AKAP19: variants seen among roughly 807,000 people sequenced by gnomAD.
AKAP19 encodes A-kinase anchoring protein 19, also known as small A-kinase anchoring protein.
At chr2:189,932,600 G>T in the AKAP19 span, among the ~76,000 whole-genome samples, 1 of 151,546 alleles carries the variant, frequency 6.6e-6, no homozygotes, top group Admixed American at 6.6e-5. Context: ...AGCCACTCAG[G>T]AGGCTGAGGC....
At chr2:190,003,725 G>A in the AKAP19 span, among the ~76,000 whole-genome samples, 1 of 152,012 alleles carries the variant, frequency 6.6e-6, no homozygotes, top group African/African-American at 2.4e-5. Flanking sequence ...TTAGCTGGGT[G>A]TGGTGGTACG....
chr2:189,959,057 A>G, the AKAP19 span, among the ~76,000 whole-genome samples: 1 of 152,100 alleles, frequency 6.6e-6, no homozygotes, highest in Non-Finnish European at 1.5e-5. Context: ...ACAGGACTTC[A>G]ATTGTGATGT....
At chr2:190,055,102 G>C in the AKAP19 span, among the ~76,000 whole-genome samples, 1 of 152,050 alleles carries the variant, frequency 6.6e-6, no homozygotes, top group Non-Finnish European at 1.5e-5. Flanking sequence ...TGATAGACTG[G>C]ATTAAGAAAA....
chr2:189,920,591 G>T, the AKAP19 span, among the ~76,000 whole-genome samples: 3 of 152,292 alleles, frequency 2.0e-5, no homozygotes, highest in South Asian at 4.1e-4. Flanking sequence ...CCTGCCCCAA[G>T]GCCTGAGGGT....
the AKAP19 span, among the ~76,000 whole-genome samples, chr2:190,032,556 CTT>C: frequency 1.3e-5 from 2 of 152,282 alleles, 1 homozygote; most frequent in South Asian, 4.2e-4. Flanking sequence ...GGCCTGAACT[CTT>C]TTCACCCCTA....
At chr2:190,031,299 C>A in the AKAP19 span, among the ~76,000 whole-genome samples, 2 of 152,118 alleles carry the variant, frequency 1.3e-5, no homozygotes, top group African/African-American at 4.8e-5. Flanking sequence ...TAAGCTAAAG[C>A]CTGATTGTGT....
the AKAP19 span, among the ~76,000 whole-genome samples, chr2:190,007,138 G>T: frequency 1.3e-5 from 2 of 152,218 alleles, no homozygotes; most frequent in African/African-American, 4.8e-5. Flanking sequence ...AATCACAGTA[G>T]AGAAGTGGAA....
the AKAP19 span, among the ~76,000 whole-genome samples, chr2:189,880,983 A>T: frequency 1.3e-5 from 2 of 152,220 alleles, no homozygotes; most frequent in Non-Finnish European, 2.9e-5. Flanking sequence ...CAGATGAGAA[A>T]ATAGAAGGCC....
the AKAP19 span, among the ~76,000 whole-genome samples, chr2:190,083,712 G>A: frequency 2.0e-5 from 3 of 152,150 alleles, no homozygotes; most frequent in Middle Eastern, 3.2e-3. Flanking sequence ...TATTTGCAGC[G>A]ACAGTCAGTC....
At chr2:190,200,334 C>CTGTT in the AKAP19 span, 8 of 587,204 alleles carry the variant, frequency 1.4e-5, no homozygotes, top group East Asian at 6.0e-5. Context: ...ACAGCAATTT[C>CTGTT]TGTTTAGTCT....
At chr2:190,172,468 A>C in the AKAP19 span, among the ~76,000 whole-genome samples, 32 of 152,092 alleles carry the variant, frequency 2.1e-4, no homozygotes, top group African/African-American at 7.7e-4. Context: ...ATACTTTATC[A>C]CCCTATTCAA....
chr2:190,170,644 C>G, the AKAP19 span, among the ~76,000 whole-genome samples: 1 of 152,084 alleles, frequency 6.6e-6, no homozygotes, highest in Non-Finnish European at 1.5e-5. Context: ...TAATTTTGCT[C>G]TTAGAAAAGA....
the AKAP19 span, among the ~76,000 whole-genome samples, chr2:190,146,024 G>A: frequency 0.38 from 57,190 of 149,208 alleles, 12,518 homozygotes; most frequent in East Asian, 0.76. Context: ...TTTTCCATAA[G>A]TTATTGGGGT....
the AKAP19 span, among the ~76,000 whole-genome samples, chr2:189,881,364 T>C: frequency 1.3e-5 from 2 of 152,104 alleles, no homozygotes; most frequent in African/African-American, 4.8e-5. Flanking sequence ...CTCCAAAGGA[T>C]TGTTCTCCAA....
chr2:189,930,811 C>A, the AKAP19 span: 2 of 821,354 alleles, frequency 2.4e-6, no homozygotes, highest in East Asian at 2.5e-5. Flanking sequence ...TTGTATAAGG[C>A]CTATTCTTTG....
At chr2:190,062,555 C>G in the AKAP19 span, 3 of 1,613,092 alleles carry the variant, frequency 1.9e-6, no homozygotes, top group Non-Finnish European at 2.5e-6. Flanking sequence ...CAACAATCAG[C>G]ATAAACAGGT....
chr2:190,042,691 T>C, the AKAP19 span, among the ~76,000 whole-genome samples: 1 of 152,132 alleles, frequency 6.6e-6, no homozygotes, highest in Non-Finnish European at 1.5e-5. Context: ...TAACAAGTGC[T>C]CAATTAATAG....
the AKAP19 span, among the ~76,000 whole-genome samples, chr2:190,017,737 TTA>T: frequency 6.6e-6 from 1 of 152,214 alleles, no homozygotes; most frequent in Non-Finnish European, 1.5e-5. Context: ...TCTGTATTAC[TTA>T]TACCATGAGT....
chr2:190,180,501 G>A, the AKAP19 span: 21 of 985,540 alleles, frequency 2.1e-5, no homozygotes, highest in African/African-American at 3.5e-5. The surrounding 1 kb of genome is among the most constrained non-coding windows in gnomAD (Gnocchi z 6.8). Context: ...CCTCTGCGAT[G>A]CCTCGCTGGC....
Sources: allele counts gnomAD v4.1 joint callset (sites outside exome capture counted in the v4.1 genomes callset), GRCh38; gene constraint gnomAD v4.1.1; non-coding constraint Gnocchi (gnomAD v3.1); transcripts MANE v1.5; gene names NCBI Gene and HGNC (gene_info 2026-07-23, HGNC 2026-07-21).